SLC38A11: variants seen among roughly 807,000 people sequenced by gnomAD.
SLC38A11 encodes solute carrier family 38 member 11, also known as putative sodium-coupled neutral amino acid transporter 11.
In SLC38A11, 51 loss-of-function variants were observed where a neutral mutation model predicts 49.4. That is an observed-to-expected ratio of 1.03 (90% CI 0.83 to 1.30). SLC38A11 has a LOEUF of 1.30. Among genes scored for constraint, SLC38A11 ranks in the 50% most tolerant of loss-of-function variants. The pLI is 0.00. For synonymous variants in SLC38A11, 203 were observed against 192.9 expected (o/e 1.05, Z -0.43); for missense variants, 574 against 556.2 (o/e 1.03, Z -0.32).
intron 11 of SLC38A11, among the ~76,000 whole-genome samples, chr2:164,903,789 G>A (rs1684816444): frequency 6.6e-6 from 1 of 152,146 alleles, no homozygotes; most frequent in Admixed American, 6.6e-5. Flanking sequence ...TAATAACACT[G>A]TGGATGTCAG....
At chr2:164,921,662 G>A (rs947083501) in intron 7 of SLC38A11, among the ~76,000 whole-genome samples, 1 of 152,118 alleles carries the variant, frequency 6.6e-6, no homozygotes, top group East Asian at 1.9e-4. Context: ...AAATAAACAC[G>A]TTGAATAAAT....
At chr2:164,915,343 G>T in intron 8 of SLC38A11, 70 bp from the exon 9 acceptor site, 1 of 1,377,676 alleles carries the variant, frequency 7.3e-7, no homozygotes, top group East Asian at 2.3e-5. Context: ...CTGAAATTCA[G>T]AGATATATAC....
intron 7 of SLC38A11, among the ~76,000 whole-genome samples, chr2:164,924,091 TA>T (rs1292774252): frequency 1.3e-5 from 2 of 151,950 alleles, no homozygotes; most frequent in Non-Finnish European, 2.9e-5. Flanking sequence ...GTGGATTGCA[TA>T]AAGAAAATAT....
Position 164,896,036 on chromosome 2 carries a change from TG to T in SLC38A11, c.*2400del, listed in dbSNP as rs1480676717. The T allele has an allele frequency of 1.3e-5, 2 of 152,128 alleles. No individual in the cohort carries two copies. The highest frequency in any genetic ancestry group is 4.8e-5 in the African/African-American group (2 of 41,414). The allele number at this position is 152,128 out of a possible 1,614,324, so 9.4% of individuals were successfully genotyped here. A position where few individuals can be genotyped will look rare whatever the true frequency, so the allele number is the denominator to read the frequency against. On this transcript the variant is annotated 3_prime_UTR_variant, in exon 12 of 12. Coordinates refer to ENST00000685975, the MANE Select transcript of SLC38A11 (RefSeq NM_001351537.2). The stretch of plus-strand genomic sequence containing the variant: ...AAAAACTGGTTTAAAACCTTCAAGT[TG>T]CTTTGTTAGGGGCAACAAGTGGCAG...
Position 164,916,058 on chromosome 2 carries a change from TA to T in SLC38A11, c.618-86del, listed in dbSNP as rs1343853796. On this transcript the variant is annotated intron_variant, in intron 7 of 11. Transcript: ENST00000685975. ...AGATAACAAGAAATGGTATCACAAATATAAACTGAGTGTCTTTAAGCCAGAA... is the reference window on the plus strand; with the variant it reads ...AGATAACAAGAAATGGTATCACAAATTAAACTGAGTGTCTTTAAGCCAGAA... 6 of 902,316 alleles carry T rather than the reference TA, an allele frequency of 6.6e-6. No individual in the cohort carries two copies. The African/African-American group carries it at 9.7e-5, about 15-fold the overall frequency. 55.9% of individuals were successfully genotyped at this position (902,316 alleles called of 1,614,324 possible).
At chr2:164,928,443 A>T (rs932342113) in intron 7 of SLC38A11, among the ~76,000 whole-genome samples, 2 of 152,170 alleles carry the variant, frequency 1.3e-5, no homozygotes, top group Non-Finnish European at 2.9e-5. Context: ...TCATTCATGC[A>T]TCCAGTTGAT....
At chr2:164,931,924 G>T (rs1209299192) in intron 7 of SLC38A11, among the ~76,000 whole-genome samples, 4 of 152,082 alleles carry the variant, frequency 2.6e-5, no homozygotes, top group Admixed American at 6.6e-5. Flanking sequence ...TTGACAAATA[G>T]GATCTACTCG....
rs745491850 is a variant in SLC38A11 at position 164,915,211 on chromosome 2, T to C, written c.751A>G (p.Lys251Glu). 6.2e-7 allele frequency: 1 copy of C among 1,612,426 alleles called. No homozygotes were observed. The highest frequency in any genetic ancestry group is 8.5e-7 in the Non-Finnish European group (1 of 1,178,942). Reference sequence around the variant, plus strand: ...GACATATGGATAAGGCGGGACCACTTAGCTACTGTGGGTTCTTCTAGAGAA... The same window carrying C: ...GACATATGGATAAGGCGGGACCACTCAGCTACTGTGGGTTCTTCTAGAGAA... ...YSSLEEPTVA[K>E]WSRLIHMSIV... The change falls in exon 9 of 12, where the codon AAG becomes GAG. Residue 251 changes from lysine (K) to glutamate (E), a missense_variant. Physicochemically the swap from Lys to Glu is moderately conservative, Grantham distance 56 (BLOSUM62 1). Transcript: ENST00000685975.
chr2:164,902,948 A>G lies in SLC38A11; in HGVS notation c.1096-4218T>C, dbSNP rs188839319. ...ATACTTTTGCCATTCATAGCACCTGAATACAAATTAATATCTACAAAGGTA... is the reference window on the plus strand; with the variant it reads ...ATACTTTTGCCATTCATAGCACCTGGATACAAATTAATATCTACAAAGGTA... On this transcript the variant is annotated intron_variant, in intron 11 of 11. Transcript: ENST00000685975. Among the ~76,000 whole-genome samples the G allele has an allele frequency of 2.5e-3, 379 of 152,318 alleles. 2 individuals are homozygous for G. Among genetic ancestry groups the G allele is most frequent in the African/African-American group, 8.8e-3 (365 of 41,574 alleles).
At chr2:164,953,964 C>T (rs1688686977) in intron 2 of SLC38A11, among the ~76,000 whole-genome samples, 1 of 151,988 alleles carries the variant, frequency 6.6e-6, no homozygotes, top group African/African-American at 2.4e-5. Context: ...CAGTAAATTT[C>T]CCTTGCTTCT....
At chr2:164,923,428 C>T (rs2105474959) in intron 7 of SLC38A11, among the ~76,000 whole-genome samples, 1 of 152,186 alleles carries the variant, frequency 6.6e-6, no homozygotes, top group South Asian at 2.1e-4. Flanking sequence ...ACAGACATTT[C>T]CCAAAAGAAG....
intron 11 of SLC38A11, among the ~76,000 whole-genome samples, chr2:164,904,928 G>C (rs567647665): frequency 6.6e-5 from 10 of 151,800 alleles, no homozygotes; most frequent in Non-Finnish European, 1.3e-4. Context: ...TGAGCTTTAG[G>C]GTCCAAATGC....
chr2:164,940,708 TTAG>T (rs1274832182), intron 5 of SLC38A11, among the ~76,000 whole-genome samples: 1 of 150,420 alleles, frequency 6.6e-6, no homozygotes, highest in Non-Finnish European at 1.5e-5. Context: ...TATTAGATTA[TTAG>T]TATTTTCTAT....
chr2:164,955,112 C>G lies in SLC38A11; in HGVS notation c.39+97G>C, dbSNP rs1688762852. ...CCAGAGAACTTTTCGCGGTGCTAAACCAAGAGCCCAGGTGAAGGTAGGTGA... is the reference window on the plus strand; with the variant it reads ...CCAGAGAACTTTTCGCGGTGCTAAAGCAAGAGCCCAGGTGAAGGTAGGTGA... On this transcript the variant is annotated intron_variant, in intron 1 of 11. Transcript: ENST00000685975. 3.3e-6 allele frequency: 4 copies of G among 1,220,316 alleles called. No individual in the cohort carries two copies. The African/African-American group carries it at 6.1e-5, about 18-fold the overall frequency. 75.6% of individuals were successfully genotyped at this position (1,220,316 alleles called of 1,614,324 possible).
At chr2:164,948,091 G>T (rs1002869708) in intron 3 of SLC38A11, among the ~76,000 whole-genome samples, 2 of 152,152 alleles carry the variant, frequency 1.3e-5, no homozygotes, top group Non-Finnish European at 2.9e-5. Context: ...TTATTTATTA[G>T]CTGTGTGACT....
intron 2 of SLC38A11, chr2:164,953,239 A>AC (rs1205716278): frequency 1.3e-5 from 2 of 153,044 alleles, no homozygotes; most frequent in African/African-American, 4.8e-5. Flanking sequence ...GCTACTATGT[A>AC]GGAAAAAAAT....
chr2:164,944,478 A>AT, intron 5 of SLC38A11, 91 bp downstream of exon 5: 1 of 533,282 alleles, frequency 1.9e-6, no homozygotes, highest in East Asian at 3.8e-5. Context: ...TCACTTTCAA[A>AT]TTTTTTATTT....
intron 11 of SLC38A11, among the ~76,000 whole-genome samples, chr2:164,899,449 T>C (rs1483125321): frequency 1.3e-5 from 2 of 152,082 alleles, no homozygotes; most frequent in Non-Finnish European, 2.9e-5. Context: ...ATTATAAAAA[T>C]ACCAACAGCT....
At chr2:164,948,963 C>T (rs1255023612) in intron 3 of SLC38A11, among the ~76,000 whole-genome samples, 1 of 149,108 alleles carries the variant, frequency 6.7e-6, no homozygotes, top group Non-Finnish European at 1.5e-5. Flanking sequence ...TCTTTTGAGG[C>T]TAGGTTAAAT....
Sources: allele counts gnomAD v4.1 joint callset (sites outside exome capture counted in the v4.1 genomes callset), GRCh38; gene constraint gnomAD v4.1.1; transcripts MANE v1.5; gene names NCBI Gene and HGNC (gene_info 2026-07-23, HGNC 2026-07-21).